TRERF1: variants seen among roughly 807,000 people sequenced by gnomAD.
TRERF1 encodes transcriptional regulating factor 1.
A neutral mutation model predicts 122.9 loss-of-function variants in TRERF1; 27 were observed. The ratio of observed to expected loss-of-function variants is 0.22; its 90% CI spans 0.16 to 0.30. TRERF1 has a LOEUF of 0.30. Ranked by LOEUF, TRERF1 falls within the 10% of genes least tolerant of loss-of-function variation. TRERF1 has a pLI of 1.00. For missense variants in TRERF1, 1,248 were observed against 1,560.3 expected, an observed-to-expected ratio of 0.80 and a Z score of 3.37; for synonymous variants, 636 against 641.7, an observed-to-expected ratio of 0.99 and a Z score of 0.13.
chr6:42,263,545 C>T lies in TRERF1; in HGVS notation c.1659G>A (p.Pro553=), dbSNP rs768345269. The T allele has an allele frequency of 2.5e-5, 39 of 1,543,524 alleles. No individual in the cohort carries two copies. Among genetic ancestry groups the T allele is most frequent in the South Asian group, 6.3e-5 (5 of 78,928 alleles). The stretch of plus-strand genomic sequence containing the variant: ...GCGGCAGTGGTGGCTGGGGCTGAGG[C>T]GGCAGGACCTTCTCTCCTTCCTCCT... Residue 553 remains proline (P), a synonymous_variant, in exon 8 of 18, where the codon CCG becomes CCA. Transcript: ENST00000372922. The surrounding 1 kb of genome is among the most constrained non-coding windows in gnomAD (Gnocchi z 5.6).
intron 3 of TRERF1, among the ~76,000 whole-genome samples, chr6:42,323,472 C>T (rs1195983689): frequency 1.3e-5 from 2 of 152,092 alleles, no homozygotes; most frequent in African/African-American, 4.8e-5. Context: ...GCTGGGATTA[C>T]AGGTGTGAGC....
intron 2 of TRERF1, among the ~76,000 whole-genome samples, chr6:42,431,282 C>A (rs191046015): frequency 3.3e-5 from 5 of 150,142 alleles, no homozygotes; most frequent in African/African-American, 4.9e-5. Flanking sequence ...AGGAGGAAAG[C>A]GAGAGATGGA....
chr6:42,244,341 C>T (rs1213126197), intron 14 of TRERF1, among the ~76,000 whole-genome samples: 3 of 152,248 alleles, frequency 2.0e-5, no homozygotes, highest in Admixed American at 6.5e-5. Context: ...TGCACCACCA[C>T]GCCCAGTTAA....
intron 8 of TRERF1, among the ~76,000 whole-genome samples, chr6:42,262,601 C>CAGAGAGAGAGACAGAGAGAG (rs1554134255): frequency 3.4e-5 from 2 of 59,130 alleles, no homozygotes; most frequent in South Asian, 4.9e-4. Context: ...GAGAGAGAGA[C>CAGAGAGAGAGACAGAGAGAG]AGACAGACGG....
rs141666533 is a variant in TRERF1, at chr6:42,382,174, G to A, written c.-453-19095C>T. Among the ~76,000 whole-genome samples, 722 of 151,200 alleles carry A rather than the reference G, an allele frequency of 4.8e-3. 7 individuals are homozygous for A. The highest frequency in any genetic ancestry group is 0.016 in the African/African-American group (665 of 41,120). ...TCCTTGGGTGTTTCTACGGTTCCTC[G>A]GAGTCTCCAGGGTTGGACATGGAAG... On this transcript the variant is annotated intron_variant, in intron 2 of 17. Transcript: ENST00000372922.
At chr6:42,409,629 T>C (rs562950465) in intron 2 of TRERF1, among the ~76,000 whole-genome samples, 2 of 152,376 alleles carry the variant, frequency 1.3e-5, no homozygotes, top group East Asian at 3.9e-4. Flanking sequence ...TAATTTTCTT[T>C]GAATAAAAAT....
intron 2 of TRERF1, among the ~76,000 whole-genome samples, chr6:42,375,965 G>A (rs1774771061): frequency 6.6e-6 from 1 of 152,126 alleles, no homozygotes; most frequent in Non-Finnish European, 1.5e-5. Context: ...ATTAGAAGCT[G>A]TCTCCTCCTG....
intron 3 of TRERF1, among the ~76,000 whole-genome samples, chr6:42,338,080 G>C (rs1207075395): frequency 6.6e-6 from 1 of 152,176 alleles, no homozygotes; most frequent in African/African-American, 2.4e-5. Context: ...TCCTGCTCCA[G>C]AGGAGTTACA....
chr6:42,343,461 T>C (rs1767677015), intron 3 of TRERF1, among the ~76,000 whole-genome samples: 1 of 151,984 alleles, frequency 6.6e-6, no homozygotes, highest in Non-Finnish European at 1.5e-5. Flanking sequence ...CACTCTGAGA[T>C]CCATTTCAGA....
At chr6:42,266,012 C>T (rs954063647) in intron 5 of TRERF1, among the ~76,000 whole-genome samples, 2 of 152,044 alleles carry the variant, frequency 1.3e-5, no homozygotes, top group African/African-American at 4.8e-5. Flanking sequence ...CACCGCCCCA[C>T]TCCTGGAGCT....
At chr6:42,429,069 A>G (rs765639456) in intron 2 of TRERF1, among the ~76,000 whole-genome samples, 12 of 152,268 alleles carry the variant, frequency 7.9e-5, no homozygotes, top group Admixed American at 2.0e-4. Flanking sequence ...CGCTGGGTGA[A>G]TGTTACTGAA....
chr6:42,252,301 G>A (rs1404211979), intron 13 of TRERF1, among the ~76,000 whole-genome samples: 1 of 152,224 alleles, frequency 6.6e-6, no homozygotes, highest in Non-Finnish European at 1.5e-5. Flanking sequence ...GGTGGGAAAG[G>A]GAAGATAATG....
chr6:42,313,935 G>C (rs1023759601), intron 3 of TRERF1, among the ~76,000 whole-genome samples: 2 of 152,154 alleles, frequency 1.3e-5, no homozygotes, highest in African/African-American at 4.8e-5. Context: ...TTGAGACAAG[G>C]ATGAGAGCCT....
At chr6:42,307,813 A>G (rs1437934868) in intron 3 of TRERF1, among the ~76,000 whole-genome samples, 2 of 152,242 alleles carry the variant, frequency 1.3e-5, no homozygotes, top group East Asian at 1.9e-4. Flanking sequence ...ACCTGGGAAC[A>G]GTAGACTCTG....
At chr6:42,311,477 T>C (rs1788217712) in intron 3 of TRERF1, among the ~76,000 whole-genome samples, 1 of 151,910 alleles carries the variant, frequency 6.6e-6, no homozygotes, top group South Asian at 2.1e-4. Context: ...CATGAGATCA[T>C]GGAGGGGCCG....
At chr6:42,285,255 G>T (rs1374750920) in intron 4 of TRERF1, among the ~76,000 whole-genome samples, 10 of 151,768 alleles carry the variant, frequency 6.6e-5, no homozygotes, top group Non-Finnish European at 1.5e-4. Flanking sequence ...TTCTGAATGG[G>T]AGTTCACTCA....
chr6:42,330,822 G>A (rs1408543785), intron 3 of TRERF1, among the ~76,000 whole-genome samples: 1 of 151,904 alleles, frequency 6.6e-6, no homozygotes, highest in Non-Finnish European at 1.5e-5. Context: ...GCATGCCATG[G>A]TGCCCAGCTA....
intron 2 of TRERF1, among the ~76,000 whole-genome samples, chr6:42,446,277 C>T (rs2151821414): frequency 6.6e-6 from 1 of 152,294 alleles, no homozygotes; most frequent in East Asian, 1.9e-4. Context: ...TTTCAAAGCC[C>T]AGAGAGTCCT....
chr6:42,289,984 TG>T (rs943329889), intron 4 of TRERF1, among the ~76,000 whole-genome samples: 2 of 152,148 alleles, frequency 1.3e-5, no homozygotes, highest in African/African-American at 4.8e-5. Flanking sequence ...CGTGGAGCAC[TG>T]GGAGAGCTGT....
Sources: gnomAD v4.1 joint callset for allele counts (sites outside exome capture counted in the v4.1 genomes callset) on GRCh38, gnomAD v4.1.1 for gene constraint, Gnocchi (gnomAD v3.1) non-coding constraint, MANE v1.5 for transcripts, NCBI Gene and HGNC (gene_info 2026-07-23, HGNC 2026-07-21) for gene names.